LRP1B: variants seen among roughly 807,000 people sequenced by gnomAD.
LRP1B encodes LDL receptor related protein 1B, also known as low-density lipoprotein receptor-related protein 1B.
Under a neutral mutation model 556.6 loss-of-function variants are expected in LRP1B, and 217 were observed. The ratio of observed to expected loss-of-function variants is 0.39; its 90% CI spans 0.35 to 0.44. The LOEUF (loss-of-function observed/expected upper bound fraction) is 0.44, where lower values mean the gene tolerates loss of function less well. Ranked by LOEUF, LRP1B falls within the 20% of genes least tolerant of loss-of-function variation. LRP1B has a pLI of 1.00. For synonymous variants in LRP1B, 2,047 were observed against 1,865.8 expected (o/e 1.10, Z -2.50); for missense variants, 5,053 against 5,620.8 (o/e 0.90, Z 3.23).
intron 23 of LRP1B, among the ~76,000 whole-genome samples, chr2:140,893,411 A>G (rs528431187): frequency 6.6e-6 from 1 of 152,336 alleles, no homozygotes; most frequent in Admixed American, 6.5e-5. Context: ...GTGGGCTCAC[A>G]GCACAGATAA....
At chr2:140,760,225 TA>T (rs1205017154) in intron 35 of LRP1B, among the ~76,000 whole-genome samples, 2 of 152,156 alleles carry the variant, frequency 1.3e-5, no homozygotes, top group African/African-American at 4.8e-5. Flanking sequence ...AAAATAATCT[TA>T]GATTTTGCCC....
At chr2:140,966,252 T>C (rs1405520492) in intron 18 of LRP1B, among the ~76,000 whole-genome samples, 1 of 152,200 alleles carries the variant, frequency 6.6e-6, no homozygotes, top group Non-Finnish European at 1.5e-5. Flanking sequence ...CCATTCTAAC[T>C]GGTGTGAGAT....
intron 51 of LRP1B, among the ~76,000 whole-genome samples, chr2:140,513,503 T>TC (rs1553477919): frequency 6.6e-6 from 1 of 151,908 alleles, no homozygotes; most frequent in Non-Finnish European, 1.5e-5. Flanking sequence ...TGACTTTTTT[T>TC]CTTTCACAGC....
At chr2:141,925,546 G>A (rs1009766117) in intron 1 of LRP1B, among the ~76,000 whole-genome samples, 3 of 152,112 alleles carry the variant, frequency 2.0e-5, no homozygotes, top group Non-Finnish European at 4.4e-5. Flanking sequence ...GTTACAATTT[G>A]CATCTGATTC....
chr2:142,068,121 G>A (rs1245424075), intron 1 of LRP1B, among the ~76,000 whole-genome samples: 1 of 151,342 alleles, frequency 6.6e-6, no homozygotes, highest in Non-Finnish European at 1.5e-5. Flanking sequence ...TCTGCTTCTA[G>A]TCCTTTCCCT....
intron 66 of LRP1B, among the ~76,000 whole-genome samples, chr2:140,387,700 ATTTAAC>A (rs1382703515): frequency 2.6e-5 from 4 of 151,816 alleles, no homozygotes; most frequent in African/African-American, 9.7e-5. Flanking sequence ...TCTGTGTTAT[ATTTAAC>A]TTTAGGTTTA....
At chr2:141,313,138 A>C (rs1028233) in intron 3 of LRP1B, among the ~76,000 whole-genome samples, 2,039 of 152,240 alleles carry the variant, frequency 0.013, 34 homozygotes, top group East Asian at 0.044. Flanking sequence ...AGAAGCTTAC[A>C]CTATTTCTTT....
At chr2:140,892,176 T>C (rs889480611) in intron 23 of LRP1B, among the ~76,000 whole-genome samples, 1 of 152,030 alleles carries the variant, frequency 6.6e-6, no homozygotes, top group African/African-American at 2.4e-5. Flanking sequence ...AGACCCTAAA[T>C]ATGATGAAAA....
At chr2:142,062,450 T>C (rs1023015420) in intron 1 of LRP1B, among the ~76,000 whole-genome samples, 3 of 151,774 alleles carry the variant, frequency 2.0e-5, no homozygotes, top group Non-Finnish European at 4.4e-5. Context: ...TCCCATTCAT[T>C]TCTAAAAAGA....
At chr2:141,808,674 CTAATT>C (rs1343267787) in intron 2 of LRP1B, among the ~76,000 whole-genome samples, 1 of 152,044 alleles carries the variant, frequency 6.6e-6, no homozygotes, top group Non-Finnish European at 1.5e-5. Flanking sequence ...TCATCATAAT[CTAATT>C]TAAGAATATT....
intron 1 of LRP1B, among the ~76,000 whole-genome samples, chr2:142,088,846 G>A (rs1706049580): frequency 6.6e-6 from 1 of 151,696 alleles, no homozygotes; most frequent in East Asian, 1.9e-4. Flanking sequence ...TTGGTGGTGG[G>A]TGCCTGTAGT....
Position 141,751,092 on chromosome 2 carries a change from CTTTA to C in LRP1B, c.205+59183_205+59186del, listed in dbSNP as rs772396865. On this transcript the variant is annotated intron_variant, in intron 2 of 90. Transcript: ENST00000389484. ...CTCCCTTTCTGCAGAGAAAAAAAAG[CTTTA>C]TTTATTTTTGTATTTCTATTCAAAA... Among the ~76,000 whole-genome samples, 181 of 151,922 alleles carry C rather than the reference CTTTA, an allele frequency of 1.2e-3. 1 individual carries two copies. Among genetic ancestry groups the C allele is most frequent in the Non-Finnish European group, 2.1e-3 (140 of 67,866 alleles).
intron 14 of LRP1B, among the ~76,000 whole-genome samples, chr2:141,011,253 C>A (rs1327304610): frequency 1.3e-5 from 2 of 149,352 alleles, no homozygotes; most frequent in African/African-American, 4.9e-5. Flanking sequence ...TTATAGGACA[C>A]AGATCATCTA....
chr2:141,346,281 A>T (rs888878142), intron 3 of LRP1B, among the ~76,000 whole-genome samples: 8 of 152,038 alleles, frequency 5.3e-5, no homozygotes, highest in East Asian at 1.9e-4. Flanking sequence ...CTGTTTTTTT[A>T]AAAAAAGCAA....
intron 3 of LRP1B, among the ~76,000 whole-genome samples, chr2:141,310,147 T>G (rs1483996248): frequency 1.3e-5 from 2 of 152,132 alleles, no homozygotes; most frequent in Non-Finnish European, 2.9e-5. Context: ...ATAGTCAGTT[T>G]ACTACAACAT....
intron 1 of LRP1B, among the ~76,000 whole-genome samples, chr2:141,837,153 G>A (rs1697311120): frequency 6.6e-6 from 1 of 151,806 alleles, no homozygotes; most frequent in Admixed American, 6.6e-5. Context: ...AGAACATTTG[G>A]GGAACATCAT....
intron 52 of LRP1B, among the ~76,000 whole-genome samples, chr2:140,508,689 TAATCTTTA>T (rs1203336324): frequency 6.6e-6 from 1 of 152,208 alleles, no homozygotes; most frequent in Non-Finnish European, 1.5e-5. Context: ...ATACATGGAT[TAATCTTTA>T]AAACACTGAG....
intron 15 of LRP1B, among the ~76,000 whole-genome samples, chr2:140,995,489 C>T (rs1697218413): frequency 6.6e-6 from 1 of 152,042 alleles, no homozygotes; most frequent in South Asian, 2.1e-4. Context: ...CACAATACCA[C>T]TTTATATTTA....
At chr2:141,640,971 G>A (rs6751890) in intron 2 of LRP1B, among the ~76,000 whole-genome samples, 60,514 of 151,906 alleles carry the variant, frequency 0.4, 12,498 homozygotes, top group Middle Eastern at 0.47. Flanking sequence ...GGCCTGCCAC[G>A]TACTAGTATA....
Sources: gnomAD v4.1 joint callset for allele counts (sites outside exome capture counted in the v4.1 genomes callset) on GRCh38, gnomAD v4.1.1 for gene constraint, MANE v1.5 for transcripts, NCBI Gene and HGNC (gene_info 2026-07-23, HGNC 2026-07-21) for gene names.